PTBP3: variants seen among roughly 807,000 people sequenced by gnomAD.
PTBP3 encodes the protein polypyrimidine tract binding protein 3.
PTBP3 carries 20 observed loss-of-function variants against 58.7 expected under a neutral mutation model. The ratio of observed to expected loss-of-function variants is 0.34; its 90% confidence interval spans 0.24 to 0.50. PTBP3 has a LOEUF of 0.50. PTBP3 is among the 20% of genes least tolerant of loss of function. The pLI is 0.98. For synonymous variants in PTBP3, 185 were observed against 219.8 expected (o/e 0.84, Z 1.40); for missense variants, 509 against 637.2 (o/e 0.80, Z 2.17).
Position 112,333,584 on chromosome 9 carries a change from T to C in PTBP3, c.-166A>G. ...TCCGGGGACAAGCGAGCTTTGGCTC[T>C]GCGGAGCCCCGGCCGGTCCGAGGTG... On this transcript the variant is annotated 5_prime_UTR_variant, in exon 1 of 14. Transcript: ENST00000374257. The C allele has an allele frequency of 2.2e-6, 3 of 1,378,590 alleles. No homozygotes were observed. The highest frequency in any genetic ancestry group is 2.6e-5 in the East Asian group (1 of 38,118). 85.4% of individuals were successfully genotyped at this position (1,378,590 alleles called of 1,614,324 possible). A position where few individuals can be genotyped will look rare whatever the true frequency, so the allele number is the denominator to read the frequency against.
At chr9:112,256,254 C>A (rs375062305) in intron 5 of PTBP3, among the ~76,000 whole-genome samples, 583 of 101,042 alleles carry the variant, frequency 5.8e-3, no homozygotes, top group Admixed American at 7.5e-3. Flanking sequence ...AACTCCGTCT[C>A]AAAAAAAAAA....
At chr9:112,329,374 C>T (rs952104704) in intron 1 of PTBP3, among the ~76,000 whole-genome samples, 3 of 151,456 alleles carry the variant, frequency 2.0e-5, no homozygotes, top group Admixed American at 1.3e-4. Flanking sequence ...CAAGATTGTA[C>T]CACTGTTCCC....
chr9:112,238,127 A>G (rs1835506135), intron 7 of PTBP3, among the ~76,000 whole-genome samples: 1 of 152,162 alleles, frequency 6.6e-6, no homozygotes, highest in African/African-American at 2.4e-5. Flanking sequence ...AAAACCCAAA[A>G]AGTCAGAAAT....
intron 2 of PTBP3, among the ~76,000 whole-genome samples, chr9:112,297,273 G>A (rs566602539): frequency 1.3e-5 from 2 of 152,150 alleles, no homozygotes; most frequent in South Asian, 2.1e-4. Context: ...GGCACGTTTC[G>A]GCTCCCTGCC....
At chr9:112,278,466 C>T (rs1265268884) in intron 2 of PTBP3, among the ~76,000 whole-genome samples, 1 of 152,144 alleles carries the variant, frequency 6.6e-6, no homozygotes, top group African/African-American at 2.4e-5. Context: ...CATGAAGCTC[C>T]TATCAGTTTA....
intron 1 of PTBP3, among the ~76,000 whole-genome samples, chr9:112,309,138 C>G (rs1414924862): frequency 6.6e-6 from 1 of 152,008 alleles, no homozygotes; most frequent in East Asian, 1.9e-4. Flanking sequence ...TATCAAGATA[C>G]TACATGACTA....
chr9:112,293,823 G>A (rs183174894), intron 2 of PTBP3, among the ~76,000 whole-genome samples: 8 of 152,278 alleles, frequency 5.3e-5, no homozygotes. Context: ...GAAGGTAGTC[G>A]TGTTGAGGAT....
At chr9:112,364,434 G>C in the PTBP3 span, among the ~76,000 whole-genome samples, 1 of 151,926 alleles carries the variant, frequency 6.6e-6, no homozygotes, top group African/African-American at 2.4e-5. Context: ...CGAGGTGTGT[G>C]GATCATTTGA....
chr9:112,312,487 T>TG (rs1491096665), intron 1 of PTBP3, among the ~76,000 whole-genome samples: 1 of 57,064 alleles, frequency 1.8e-5, no homozygotes, highest in African/African-American at 9.8e-5. Flanking sequence ...TTTTTTTTTT[T>TG]GTTTTTTTTT....
At chr9:112,232,388 C>CTGTA in intron 8 of PTBP3, 150 bp from the exon 9 acceptor site, 1 of 755,996 alleles carries the variant, frequency 1.3e-6, no homozygotes, top group Non-Finnish European at 2.1e-6. Context: ...GTTTTCTGCC[C>CTGTA]TACAGAGTCT....
At chr9:112,324,489 C>A (rs1052952449) in intron 1 of PTBP3, among the ~76,000 whole-genome samples, 11 of 152,098 alleles carry the variant, frequency 7.2e-5, no homozygotes, top group Admixed American at 4.6e-4. Context: ...TCTGTCTCTA[C>A]TAAATACAAA....
At chr9:112,317,198 C>A (rs1405772513) in intron 1 of PTBP3, among the ~76,000 whole-genome samples, 1 of 151,476 alleles carries the variant, frequency 6.6e-6, no homozygotes, top group African/African-American at 2.4e-5. Flanking sequence ...TGAGCTGAGA[C>A]TGCATCACTG....
chr9:112,371,367 CTT>C, the PTBP3 span, among the ~76,000 whole-genome samples: 1 of 152,202 alleles, frequency 6.6e-6, no homozygotes, highest in Non-Finnish European at 1.5e-5. Flanking sequence ...TACTTGCTGT[CTT>C]GTTTTCTCAA....
At chr9:112,301,532 A>T (rs1419519257) in intron 1 of PTBP3, among the ~76,000 whole-genome samples, 5 of 152,194 alleles carry the variant, frequency 3.3e-5, no homozygotes, top group African/African-American at 1.2e-4. Flanking sequence ...GATTTCACCT[A>T]CAGTATTCTC....
chr9:112,233,710 C>G (rs535149830), intron 8 of PTBP3, among the ~76,000 whole-genome samples: 1 of 152,206 alleles, frequency 6.6e-6, no homozygotes, highest in South Asian at 2.1e-4. Context: ...GCAGGCTAAT[C>G]GCTTGAGGCC....
chr9:112,235,019 T>C, intron 7 of PTBP3, 122 bp from the exon 8 acceptor site: 1 of 766,022 alleles, frequency 1.3e-6, no homozygotes. Flanking sequence ...GGAGTAAAGA[T>C]CTGTTCAACA....
chr9:112,303,880 C>G (rs147161123), intron 1 of PTBP3, among the ~76,000 whole-genome samples: 120 of 126,990 alleles, frequency 9.4e-4, no homozygotes, highest in African/African-American at 3.7e-3. Context: ...TCAATCAATA[C>G]TACAGGCTGG....
At chr9:112,369,546 G>A in the PTBP3 span, among the ~76,000 whole-genome samples, 2 of 152,192 alleles carry the variant, frequency 1.3e-5, no homozygotes, top group South Asian at 4.1e-4. Flanking sequence ...TTTGGAATGG[G>A]TGTATTTACT....
At chr9:112,256,919 A>G (rs1484564177) in intron 5 of PTBP3, among the ~76,000 whole-genome samples, 1 of 152,130 alleles carries the variant, frequency 6.6e-6, no homozygotes, top group Non-Finnish European at 1.5e-5. Flanking sequence ...GCAATTTCAA[A>G]AAATAATAAA....
Sources: gnomAD v4.1 joint callset for allele counts (sites outside exome capture counted in the v4.1 genomes callset) on GRCh38, gnomAD v4.1.1 for gene constraint, MANE v1.5 for transcripts, NCBI Gene and HGNC (gene_info 2026-07-23, HGNC 2026-07-21) for gene names.